Variants in RAD51B observed in about 807,000 individuals in gnomAD.
RAD51B encodes DNA repair protein RAD51 homolog 2.
Under a neutral mutation model 42.2 loss-of-function variants are expected in RAD51B, and 38 were observed. The ratio of observed to expected loss-of-function variants is 0.90; its 90% confidence interval spans 0.70 to 1.18. RAD51B has a LOEUF of 1.18. Ranked by LOEUF, RAD51B falls within the 50% of genes most tolerant of loss-of-function variation. The probability of loss-of-function intolerance (pLI) is 0.00; values close to 1 mark genes in which losing one functional copy is unlikely to be tolerated. For missense variants in RAD51B, 373 were observed against 400.7 expected (o/e 0.93, Z 0.59); for synonymous variants, 154 against 145.2 (o/e 1.06, Z -0.43).
chr14:67,853,235 A>G (rs1222837827), intron 4 of RAD51B, among the ~76,000 whole-genome samples: 2 of 152,202 alleles, frequency 1.3e-5, no homozygotes, highest in Non-Finnish European at 2.9e-5. Flanking sequence ...TCTTACTCCC[A>G]ACCTCCAGAT....
At chr14:68,504,488 C>T (rs1885141946) in intron 10 of RAD51B, among the ~76,000 whole-genome samples, 2 of 152,186 alleles carry the variant, frequency 1.3e-5, no homozygotes, top group Non-Finnish European at 2.9e-5. Flanking sequence ...CCACAGCAGA[C>T]AATCAGTGCC....
chr14:67,870,937 G>T (rs1393265588), intron 5 of RAD51B, among the ~76,000 whole-genome samples: 1 of 143,768 alleles, frequency 7.0e-6, no homozygotes, highest in African/African-American at 2.7e-5. Flanking sequence ...ATTTAAAGCA[G>T]TGTGTAGAGG....
chr14:68,421,254 G>C (rs2084691262), intron 9 of RAD51B, among the ~76,000 whole-genome samples: 1 of 152,088 alleles, frequency 6.6e-6, no homozygotes, highest in Admixed American at 6.5e-5. Context: ...GGCTAAAGCA[G>C]GTCCAGCTTG....
Position 68,123,196 on chromosome 14 carries a change from T to C in RAD51B, c.757-168688T>C, listed in dbSNP as rs868367516. On this transcript the variant is annotated intron_variant, in intron 7 of 10. Transcript: ENST00000471583. The stretch of plus-strand genomic sequence containing the variant: ...TTTTCTTTTTTTCTTTCTTTCTTTT[T>C]TTTTTTTTTTTTTTGAGACAGAGCT... Among the ~76,000 whole-genome samples, 551 of 147,078 alleles carry C rather than the reference T, an allele frequency of 3.7e-3. 2 individuals are homozygous for C. The highest frequency in any genetic ancestry group is 0.013 in the African/African-American group (527 of 40,036).
chr14:68,268,290 T>C (rs2081032553), intron 7 of RAD51B, among the ~76,000 whole-genome samples: 1 of 152,246 alleles, frequency 6.6e-6, no homozygotes, highest in African/African-American at 2.4e-5. Context: ...CATTTGCCTC[T>C]GTGTATACAT....
chr14:68,093,182 T>C (rs909495280), intron 7 of RAD51B, among the ~76,000 whole-genome samples: 10 of 151,742 alleles, frequency 6.6e-5, no homozygotes, highest in South Asian at 2.1e-4. Flanking sequence ...GTGTCTCTGC[T>C]AGGCTTTGGT....
At chr14:67,835,264 G>C (rs2041197634) in intron 4 of RAD51B, 68 bp downstream of exon 4, 1 of 1,123,090 alleles carries the variant, frequency 8.9e-7, no homozygotes. Flanking sequence ...AAAAAGTTTA[G>C]TTAAAAAACA....
At chr14:68,344,948 A>C (rs57885126) in intron 8 of RAD51B, among the ~76,000 whole-genome samples, 96 of 77,308 alleles carry the variant, frequency 1.2e-3, no homozygotes, top group African/African-American at 0.01. Flanking sequence ...CTCAATCTCA[A>C]AAAAAAAAAA....
rs1192148995 is a variant in RAD51B, at chr14:68,648,057, G to A, written c.1037-2724G>A. Among the ~76,000 whole-genome samples, 26 of 117,152 alleles carry A rather than the reference G, an allele frequency of 2.2e-4. 1 individual carries two copies. The highest frequency in any genetic ancestry group is 5.6e-4 in the South Asian group (2 of 3,590). 76.9% of individuals were successfully genotyped at this position (117,152 alleles called of 152,430 possible). A position where few individuals can be genotyped will look rare whatever the true frequency, so the allele number is the denominator to read the frequency against. ...TATATACACACGTATATAGATGTGT[G>A]TGTGTATATATATATACACGTATAT... On this transcript the variant is annotated intron_variant, in intron 10 of 11. Transcript: ENST00000488612.
At chr14:68,626,157 A>G (rs549152931) in intron 10 of RAD51B, among the ~76,000 whole-genome samples, 15 of 152,368 alleles carry the variant, frequency 9.8e-5, no homozygotes, top group African/African-American at 3.4e-4. Context: ...GGTGTCCACC[A>G]TCGGGCTGAG....
intron 10 of RAD51B, among the ~76,000 whole-genome samples, chr14:68,477,366 A>T (rs1477929393): frequency 6.6e-6 from 1 of 152,150 alleles, no homozygotes; most frequent in Non-Finnish European, 1.5e-5. Flanking sequence ...AAAGCTGAAG[A>T]GGGGTGCTTG....
At chr14:67,914,188 A>G (rs923252391) in intron 7 of RAD51B, among the ~76,000 whole-genome samples, 4 of 152,032 alleles carry the variant, frequency 2.6e-5, no homozygotes, top group African/African-American at 9.7e-5. Context: ...TCACCATATT[A>G]GCCAGGCTGG....
chr14:68,024,038 G>C (rs1367334497), intron 7 of RAD51B, among the ~76,000 whole-genome samples: 1 of 152,254 alleles, frequency 6.6e-6, no homozygotes, highest in African/African-American at 2.4e-5. Flanking sequence ...GGGAAAATTA[G>C]GAGTTCAATT....
At chr14:68,261,630 G>A (rs970144304) in intron 7 of RAD51B, among the ~76,000 whole-genome samples, 7 of 152,126 alleles carry the variant, frequency 4.6e-5, no homozygotes, top group African/African-American at 1.7e-4. Flanking sequence ...TTTGTATTGG[G>A]AGGTTTAAGG....
chr14:68,084,177 T>A (rs1566631293), intron 7 of RAD51B, among the ~76,000 whole-genome samples: 1 of 152,220 alleles, frequency 6.6e-6, no homozygotes, highest in Non-Finnish European at 1.5e-5. Context: ...TTATTTAAAC[T>A]TTATCTCTGT....
At chr14:68,309,607 C>T (rs1026969723) in intron 8 of RAD51B, among the ~76,000 whole-genome samples, 1 of 152,180 alleles carries the variant, frequency 6.6e-6, no homozygotes, top group South Asian at 2.1e-4. Flanking sequence ...ATGAAAATCA[C>T]TGGGGCATGG....
chr14:67,899,886 A>G (rs956081551), intron 7 of RAD51B, among the ~76,000 whole-genome samples: 4 of 152,216 alleles, frequency 2.6e-5, no homozygotes, highest in African/African-American at 9.6e-5. Flanking sequence ...TTGGCTAGTA[A>G]GTGGAAGGGC....
chr14:68,012,439 T>C (rs977730140), intron 7 of RAD51B, among the ~76,000 whole-genome samples: 2 of 151,710 alleles, frequency 1.3e-5, no homozygotes, highest in East Asian at 1.9e-4. Flanking sequence ...ATTTTATATA[T>C]ATATATCTAG....
At chr14:68,390,714 AC>A (rs1392092208) in intron 8 of RAD51B, among the ~76,000 whole-genome samples, 4 of 152,180 alleles carry the variant, frequency 2.6e-5, no homozygotes, top group Non-Finnish European at 5.9e-5. Flanking sequence ...CTGTGGTCAT[AC>A]TTCATTTTTC....
Sources: gnomAD v4.1 joint callset for allele counts (sites outside exome capture counted in the v4.1 genomes callset) on GRCh38, gnomAD v4.1.1 for gene constraint, MANE v1.5 for transcripts, NCBI Gene and HGNC (gene_info 2026-07-23, HGNC 2026-07-21) for gene names.